TNFSF4: variants seen among roughly 807,000 people sequenced by gnomAD.
TNFSF4 encodes the protein tumor necrosis factor ligand superfamily member 4.
A neutral mutation model predicts 7.3 loss-of-function variants in TNFSF4; 4 were observed. The observed-to-expected ratio is 0.55, with a 90% CI of 0.27 to 1.25. The LOEUF (loss-of-function observed/expected upper bound fraction) is 1.25. Among genes scored for constraint, TNFSF4 ranks in the 50% most tolerant of loss-of-function variants. The pLI is 0.12. For synonymous variants in TNFSF4, 76 were observed against 83.7 expected, an observed-to-expected ratio of 0.91 and a Z score of 0.50; for missense variants, 181 against 208.8, an observed-to-expected ratio of 0.87 and a Z score of 0.82.
chr1:173,353,554 G>A, the TNFSF4 span, among the ~76,000 whole-genome samples: 1 of 152,164 alleles, frequency 6.6e-6, no homozygotes, highest in Non-Finnish European at 1.5e-5. Flanking sequence ...GAATGGTTTT[G>A]TCCTGCATGC....
the TNFSF4 span, among the ~76,000 whole-genome samples, chr1:173,175,730 G>T: frequency 6.6e-6 from 1 of 152,138 alleles, no homozygotes; most frequent in East Asian, 1.9e-4. Flanking sequence ...ACAATCATCA[G>T]GTCAGACCAG....
the TNFSF4 span, among the ~76,000 whole-genome samples, chr1:173,228,875 A>G: frequency 6.6e-6 from 1 of 152,234 alleles, no homozygotes. Flanking sequence ...AGAGAAGTTT[A>G]GAGAAAAAAG....
At chr1:173,414,304 T>C in the TNFSF4 span, among the ~76,000 whole-genome samples, 2 of 152,108 alleles carry the variant, frequency 1.3e-5, no homozygotes, top group Admixed American at 6.5e-5. Flanking sequence ...CCTCTGTGTG[T>C]GCACAGAGGA....
the TNFSF4 span, among the ~76,000 whole-genome samples, chr1:173,314,793 A>AGTGCTG: frequency 6.6e-6 from 1 of 152,174 alleles, no homozygotes; most frequent in Admixed American, 6.5e-5. Context: ...CAGAGGAAAG[A>AGTGCTG]GTGCTGAATG....
At chr1:173,349,546 G>A in the TNFSF4 span, among the ~76,000 whole-genome samples, 4 of 152,224 alleles carry the variant, frequency 2.6e-5, no homozygotes, top group Admixed American at 6.5e-5. Context: ...GTCTCTAACC[G>A]ACAAAGTGGC....
chr1:173,434,803 G>A, the TNFSF4 span, among the ~76,000 whole-genome samples: 1 of 152,206 alleles, frequency 6.6e-6, no homozygotes, highest in South Asian at 2.1e-4. Flanking sequence ...GATTTTAGTT[G>A]AGGAAATCTG....
At chr1:173,256,104 C>G in the TNFSF4 span, among the ~76,000 whole-genome samples, 1,882 of 152,154 alleles carry the variant, frequency 0.012, 143 homozygotes, top group Admixed American at 0.12. Flanking sequence ...CCCCAATTGT[C>G]CATAAACATA....
chr1:173,173,355 A>G, the TNFSF4 span, among the ~76,000 whole-genome samples: 65,147 of 152,048 alleles, frequency 0.43, 17,042 homozygotes, highest in African/African-American at 0.74. Flanking sequence ...TTGCCAACGA[A>G]CCTGTAAAAT....
chr1:173,222,863 A>G, the TNFSF4 span, among the ~76,000 whole-genome samples: 28 of 152,226 alleles, frequency 1.8e-4, no homozygotes, highest in Non-Finnish European at 3.8e-4. Flanking sequence ...ACATGTAGAA[A>G]TGAATCATCA....
the TNFSF4 span, among the ~76,000 whole-genome samples, chr1:173,242,551 C>G: frequency 6.6e-6 from 1 of 152,120 alleles, no homozygotes; most frequent in Non-Finnish European, 1.5e-5. Flanking sequence ...TATGTCACCT[C>G]ACATGGTCAA....
chr1:173,413,390 G>A, the TNFSF4 span, among the ~76,000 whole-genome samples: 2,076 of 152,280 alleles, frequency 0.014, 59 homozygotes, highest in African/African-American at 0.047. Context: ...CTGGCATTTT[G>A]AGCCTGCTTT....
At chr1:173,336,443 G>A in the TNFSF4 span, among the ~76,000 whole-genome samples, 3 of 152,136 alleles carry the variant, frequency 2.0e-5, no homozygotes, top group Non-Finnish European at 1.5e-5. Flanking sequence ...CACATTCTCT[G>A]GTACCTGGTA....
At chr1:173,419,030 G>A in the TNFSF4 span, among the ~76,000 whole-genome samples, 3 of 152,326 alleles carry the variant, frequency 2.0e-5, no homozygotes, top group East Asian at 5.8e-4. Flanking sequence ...TGGGGCTGGT[G>A]GCTTTATAAG....
chr1:173,411,828 G>A, the TNFSF4 span, among the ~76,000 whole-genome samples: 1 of 150,788 alleles, frequency 6.6e-6, no homozygotes, highest in African/African-American at 2.4e-5. Context: ...ATTTTAAAAA[G>A]GAAATAGTTG....
At chr1:173,188,475 G>A (rs1213580965) in intron 2 of TNFSF4, 46 bp downstream of exon 2, 4 of 1,434,888 alleles carry the variant, frequency 2.8e-6, no homozygotes. Context: ...CTGAAGAGAA[G>A]ATTCTTTCAA....
chr1:173,212,993 C>T, the TNFSF4 span, among the ~76,000 whole-genome samples: 1 of 152,032 alleles, frequency 6.6e-6, no homozygotes, highest in Non-Finnish European at 1.5e-5. Context: ...ATTGAATTTG[C>T]CTGCAATAGA....
the TNFSF4 span, among the ~76,000 whole-genome samples, chr1:173,435,929 A>T: frequency 6.6e-6 from 1 of 152,220 alleles, no homozygotes; most frequent in African/African-American, 2.4e-5. Context: ...ACACATCCAT[A>T]GCTATTTCTC....
At chr1:173,347,141 C>T in the TNFSF4 span, among the ~76,000 whole-genome samples, 3 of 152,078 alleles carry the variant, frequency 2.0e-5, no homozygotes, top group Non-Finnish European at 4.4e-5. Context: ...AGGTTCCTAC[C>T]CTCTCCCAGA....
At chr1:173,238,888 A>C in the TNFSF4 span, among the ~76,000 whole-genome samples, 2 of 152,152 alleles carry the variant, frequency 1.3e-5, no homozygotes. Flanking sequence ...GGCCAAAAAA[A>C]GGGTATTAGA....
Sources: allele counts gnomAD v4.1 joint callset (sites outside exome capture counted in the v4.1 genomes callset), GRCh38; gene constraint gnomAD v4.1.1; transcripts MANE v1.5; gene names NCBI Gene and HGNC (gene_info 2026-07-23, HGNC 2026-07-21).